The following GALNT17 variants were observed in gnomAD, a reference collection of about 807,000 sequenced individuals.
GALNT17 encodes UDP-GalNAc:polypeptide N-acetylgalactosaminyltransferase-like 3.
A neutral mutation model predicts 63.7 loss-of-function variants in GALNT17; 29 were observed. The ratio of observed to expected loss-of-function variants is 0.46; its 90% CI spans 0.34 to 0.62. GALNT17 has a LOEUF of 0.62. Ranked by LOEUF, GALNT17 falls within the 20% of genes least tolerant of loss-of-function variation. The pLI, the probability that GALNT17 is intolerant of heterozygous loss-of-function variation, is 0.01. For synonymous variants in GALNT17, 305 were observed against 318.3 expected (o/e 0.96, Z 0.45); for missense variants, 603 against 799.6 (o/e 0.75, Z 2.97).
intron 8 of GALNT17, among the ~76,000 whole-genome samples, chr7:71,670,957 T>C (rs1791061515): frequency 6.6e-6 from 1 of 151,816 alleles, no homozygotes; most frequent in Admixed American, 6.6e-5. Context: ...TACCCATGTA[T>C]TTTTTTTACT....
chr7:71,503,966 C>T (rs7805478), intron 5 of GALNT17, among the ~76,000 whole-genome samples: 3 of 151,252 alleles, frequency 2.0e-5, no homozygotes, highest in African/African-American at 7.3e-5. Flanking sequence ...CGGTGGCTCA[C>T]GCCTATAATC....
intron 2 of GALNT17, among the ~76,000 whole-genome samples, chr7:71,378,307 G>C (rs533777510): frequency 8.5e-5 from 13 of 152,098 alleles, no homozygotes; most frequent in African/African-American, 3.1e-4. Flanking sequence ...GCGGGGCCTC[G>C]CACCTCTCAG....
intron 5 of GALNT17, among the ~76,000 whole-genome samples, chr7:71,557,497 C>T (rs967718939): frequency 6.6e-6 from 1 of 152,138 alleles, no homozygotes; most frequent in African/African-American, 2.4e-5. Context: ...TTCATTCTTT[C>T]AAAGTTACCT....
chr7:71,691,692 A>G (rs2117094991), intron 9 of GALNT17, among the ~76,000 whole-genome samples: 1 of 152,278 alleles, frequency 6.6e-6, no homozygotes, highest in East Asian at 1.9e-4. Flanking sequence ...ACAAAAAGTC[A>G]TTCAGGCAGG....
chr7:71,558,632 T>C (rs1789203390), intron 5 of GALNT17, among the ~76,000 whole-genome samples: 1 of 152,180 alleles, frequency 6.6e-6, no homozygotes, highest in African/African-American at 2.4e-5. Context: ...AAAGTGTCGA[T>C]GGCTGACAAC....
Position 71,496,235 on chromosome 7 carries a change from G to A in GALNT17, c.963-75050G>A, listed in dbSNP as rs757638778. Among the ~76,000 whole-genome samples, 41 of 152,246 alleles carry A rather than the reference G, an allele frequency of 2.7e-4. No individual in the cohort carries two copies. The Middle Eastern group carries it at 0.01, about 38-fold the overall frequency. ...TGAAGGACCCTGCAGTGGGGAGGCC[G>A]GGGGATCAAGGGAATCCCCAGGTGG... On this transcript the variant is annotated intron_variant, in intron 5 of 10. Transcript: ENST00000333538.
intron 6 of GALNT17, among the ~76,000 whole-genome samples, chr7:71,620,400 C>T (rs916185635): frequency 3.9e-5 from 6 of 152,016 alleles, no homozygotes; most frequent in Admixed American, 3.3e-4. Flanking sequence ...AGAATGGAGC[C>T]CAAGAGTTTG....
chr7:71,190,713 C>G (rs1003923691), intron 1 of GALNT17, among the ~76,000 whole-genome samples: 6 of 152,080 alleles, frequency 3.9e-5, no homozygotes, highest in East Asian at 1.9e-4. Flanking sequence ...TTCTCTGCAG[C>G]CTTAAACTCC....
chr7:71,275,603 T>C (rs553863209), intron 1 of GALNT17, among the ~76,000 whole-genome samples: 1 of 152,268 alleles, frequency 6.6e-6, no homozygotes, highest in African/African-American at 2.4e-5. Context: ...CTGTCACATG[T>C]AAAGGCTCTA....
chr7:71,587,326 C>T (rs1408084014), intron 6 of GALNT17, among the ~76,000 whole-genome samples: 1 of 152,182 alleles, frequency 6.6e-6, no homozygotes, highest in East Asian at 1.9e-4. Flanking sequence ...CCGCACCCAG[C>T]CACCTCTTTA....
rs1309947288 is a variant in GALNT17 at position 71,302,626 on chromosome 7, A to G, written c.239-32924A>G. Among the ~76,000 whole-genome samples, 4 of 152,096 alleles carry G rather than the reference A, an allele frequency of 2.6e-5. No individual in the cohort carries two copies. The South Asian group carries it at 6.2e-4, about 24-fold the overall frequency. The stretch of plus-strand genomic sequence containing the variant: ...TGTAATCTCATAGAACGTCACTGTA[A>G]TGGGGAGACAAAGCTAGGCTGAATT... On this transcript the variant is annotated intron_variant, in intron 1 of 10. Coordinates refer to ENST00000333538, the MANE Select transcript of GALNT17 (RefSeq NM_022479.3).
At chr7:71,620,819 A>C (rs1445863132) in intron 6 of GALNT17, among the ~76,000 whole-genome samples, 1 of 152,142 alleles carries the variant, frequency 6.6e-6, no homozygotes, top group East Asian at 1.9e-4. Flanking sequence ...CTCTTCAGCT[A>C]TTCTGGTTGT....
chr7:71,404,490 A>G (rs1230471899), intron 3 of GALNT17, among the ~76,000 whole-genome samples: 9 of 152,166 alleles, frequency 5.9e-5, no homozygotes, highest in South Asian at 2.1e-4. Context: ...GCTCCAGCCC[A>G]TAGTCAGCAA....
chr7:71,133,876 G>A (rs1294459730), intron 1 of GALNT17, among the ~76,000 whole-genome samples: 1 of 152,066 alleles, frequency 6.6e-6, no homozygotes, highest in Non-Finnish European at 1.5e-5. Context: ...CAGGATGCGT[G>A]GGGTTATCCA....
chr7:71,267,442 G>T (rs1034689259), intron 1 of GALNT17, among the ~76,000 whole-genome samples: 5 of 151,358 alleles, frequency 3.3e-5, no homozygotes, highest in Non-Finnish European at 7.4e-5. Flanking sequence ...AGGTAGAAAT[G>T]ACTTTGAAAT....
At position 71,687,126 on chromosome 7, in the gene GALNT17, G is replaced by A. The variant is rs1054084897; in HGVS notation, c.1500+9820G>A. Among the ~76,000 whole-genome samples, 8 of 152,142 alleles carry A rather than the reference G, an allele frequency of 5.3e-5. No homozygotes were observed. The East Asian group carries it at 7.7e-4, about 15-fold the overall frequency. On this transcript the variant is annotated intron_variant, in intron 9 of 10. Transcript: ENST00000333538. Reference sequence around the variant, plus strand: ...GGAGGACATTAGCGACGTCTCCTCTGTGTGTCCTCCCTGTTAATACATTTT... The same window carrying A: ...GGAGGACATTAGCGACGTCTCCTCTATGTGTCCTCCCTGTTAATACATTTT...
At chr7:71,674,611 A>G (rs1466075132) in intron 8 of GALNT17, among the ~76,000 whole-genome samples, 1 of 151,830 alleles carries the variant, frequency 6.6e-6, no homozygotes, top group Non-Finnish European at 1.5e-5. Flanking sequence ...AAACTCCTAG[A>G]CTGAAGCCAC....
intron 6 of GALNT17, among the ~76,000 whole-genome samples, chr7:71,623,379 T>C (rs1305757511): frequency 1.3e-5 from 2 of 151,964 alleles, no homozygotes; most frequent in African/African-American, 2.4e-5. Flanking sequence ...AGCGCTTGTT[T>C]CTGCTCTCGG....
chr7:71,407,566 G>A (rs1583925579), intron 3 of GALNT17, among the ~76,000 whole-genome samples: 1 of 152,042 alleles, frequency 6.6e-6, no homozygotes, highest in East Asian at 1.9e-4. Flanking sequence ...CAGCAACATG[G>A]TAAAACCCTG....
Sources: allele counts gnomAD v4.1 joint callset (sites outside exome capture counted in the v4.1 genomes callset), GRCh38; gene constraint gnomAD v4.1.1; transcripts MANE v1.5; gene names NCBI Gene and HGNC (gene_info 2026-07-23, HGNC 2026-07-21).